CASK: variants seen among roughly 807,000 people sequenced by gnomAD.
The protein encoded by CASK is calcium/calmodulin dependent serine protein kinase.
CASK carries 4 observed loss-of-function variants against 82.9 expected under a neutral mutation model. That is an observed-to-expected ratio of 0.05 (90% confidence interval 0.02 to 0.11). CASK has a LOEUF of 0.11. Among genes scored for constraint, CASK ranks in the 10% least tolerant of loss-of-function variants. CASK has a pLI of 1.00. For synonymous variants in CASK, 259 were observed against 253.5 expected, an observed-to-expected ratio of 1.02 and a Z score of -0.20; for missense variants, 358 against 720.9, an observed-to-expected ratio of 0.50 and a Z score of 5.76.
chrX:41,825,088 T>C (rs1300897371), intron 2 of CASK, among the ~76,000 whole-genome samples: 1 of 111,911 alleles, frequency 8.9e-6, no homozygotes, highest in Non-Finnish European at 1.9e-5. Context: ...TTTTGGGTTT[T>C]TTGTAACATA....
At chrX:41,854,100 T>C (rs2071316432) in intron 1 of CASK, among the ~76,000 whole-genome samples, 1 of 111,595 alleles carries the variant, frequency 9.0e-6, no homozygotes, top group African/African-American at 3.3e-5. Flanking sequence ...AAGGAAGTAA[T>C]TTCTATGAGC....
chrX:41,827,731 A>G (rs1341748094), intron 2 of CASK, among the ~76,000 whole-genome samples: 1 of 112,134 alleles, frequency 8.9e-6, no homozygotes, highest in Non-Finnish European at 1.9e-5. Flanking sequence ...AAAGATGGTA[A>G]CTTCCTTGAA....
intron 3 of CASK, among the ~76,000 whole-genome samples, chrX:41,776,721 T>C (rs2069371905): frequency 8.9e-6 from 1 of 112,131 alleles, no homozygotes; most frequent in Admixed American, 9.5e-5. Context: ...AATACATAAA[T>C]CTAATACAGA....
chrX:41,792,787 C>CT (rs1190056226), intron 2 of CASK, among the ~76,000 whole-genome samples: 1 of 111,300 alleles, frequency 9.0e-6, no homozygotes, highest in Non-Finnish European at 1.9e-5. Context: ...AAATAAGTTA[C>CT]TTTTTTTGTA....
chrX:41,691,635 GA>G (rs2067562740), intron 5 of CASK, among the ~76,000 whole-genome samples: 1 of 108,917 alleles, frequency 9.2e-6, no homozygotes, highest in Admixed American at 9.8e-5. Context: ...GAGGCGGGCG[GA>G]AAATGAGGTC....
intron 5 of CASK, among the ~76,000 whole-genome samples, chrX:41,692,286 C>T (rs1377246493): frequency 1.8e-5 from 2 of 111,851 alleles, no homozygotes; most frequent in Admixed American, 9.5e-5. Context: ...GAAACCCATT[C>T]CAGACCAATT....
rs185303312 is a variant in CASK at position 41,708,328 on chromosome X, A to C, written c.429+31056T>G. Among the ~76,000 whole-genome samples, 1,035 of 111,438 alleles carry C rather than the reference A, an allele frequency of 9.3e-3. 10 individuals carry two copies. Among genetic ancestry groups the C allele is most frequent in the Non-Finnish European group, 0.015 (802 of 53,057 alleles). The stretch of plus-strand genomic sequence containing the variant: ...TCAGTGTTATTTGACTTTTAAAACT[A>C]TGTCCATCAATTTCTATGATTAAAA... On this transcript the variant is annotated intron_variant, in intron 5 of 26. Transcript: ENST00000378163.
chrX:41,773,031 T>C (rs1410621574), intron 3 of CASK, among the ~76,000 whole-genome samples: 2 of 110,784 alleles, frequency 1.8e-5, no homozygotes, highest in Non-Finnish European at 3.8e-5. Context: ...AGAACAATAG[T>C]AACAACAAAA....
At chrX:41,641,656 T>C (rs750691322) in intron 8 of CASK, among the ~76,000 whole-genome samples, 2 of 112,231 alleles carry the variant, frequency 1.8e-5, no homozygotes, top group Non-Finnish European at 3.8e-5. Flanking sequence ...AATAAGTGAA[T>C]AGAACTTTTT....
At chrX:41,717,402 T>C (rs965104696) in intron 5 of CASK, among the ~76,000 whole-genome samples, 20 of 112,327 alleles carry the variant, frequency 1.8e-4, no homozygotes, top group African/African-American at 3.2e-5. Flanking sequence ...ACTAGCATTG[T>C]TGCCTGCAAT....
chrX:41,730,374 C>T (rs986041975), intron 5 of CASK, among the ~76,000 whole-genome samples: 1 of 111,736 alleles, frequency 8.9e-6, no homozygotes, highest in Non-Finnish European at 1.9e-5. Context: ...AAACCACACA[C>T]ACACACACAC....
intron 11 of CASK, among the ~76,000 whole-genome samples, chrX:41,612,284 G>A (rs1208693055): frequency 9.2e-6 from 1 of 109,264 alleles, no homozygotes; most frequent in Non-Finnish European, 1.9e-5. Context: ...CCCATCGTCT[G>A]AGATGTGGGG....
chrX:41,666,341 T>C (rs1000884920), intron 6 of CASK, among the ~76,000 whole-genome samples: 8 of 112,116 alleles, frequency 7.1e-5, no homozygotes, highest in Non-Finnish European at 1.1e-4. Context: ...ATGAAAGGCT[T>C]GTACCCGGCA....
chrX:41,920,208 C>T (rs1056094127), intron 1 of CASK, among the ~76,000 whole-genome samples: 1 of 111,951 alleles, frequency 8.9e-6, no homozygotes, highest in Non-Finnish European at 1.9e-5. Flanking sequence ...AAAAGAAAAT[C>T]AAAATTCCAT....
At chrX:41,746,659 T>C (rs2068692742) in intron 3 of CASK, among the ~76,000 whole-genome samples, 2 of 112,159 alleles carry the variant, frequency 1.8e-5, no homozygotes, top group Admixed American at 1.9e-4. Context: ...ATTCATTCAT[T>C]CATTCATTCA....
intron 1 of CASK, among the ~76,000 whole-genome samples, chrX:41,882,984 C>T (rs186304563): frequency 9.0e-6 from 1 of 111,407 alleles, no homozygotes; most frequent in Admixed American, 9.5e-5. Context: ...TGGAATATAC[C>T]TATATCAAGG....
intron 3 of CASK, among the ~76,000 whole-genome samples, chrX:41,753,465 A>G (rs1199364132): frequency 8.9e-6 from 1 of 112,474 alleles, no homozygotes; most frequent in Non-Finnish European, 1.9e-5. Flanking sequence ...GTGACATCTC[A>G]TCATGAGACA....
chrX:41,525,876 C>T (rs1289101057), intron 25 of CASK, among the ~76,000 whole-genome samples: 3 of 111,638 alleles, frequency 2.7e-5, no homozygotes, highest in African/African-American at 9.8e-5. Context: ...TTTAGTCACA[C>T]AGCATCTTCT....
intron 21 of CASK, among the ~76,000 whole-genome samples, chrX:41,548,538 G>A (rs1222855063): frequency 9.0e-6 from 1 of 111,311 alleles, no homozygotes; most frequent in Non-Finnish European, 1.9e-5. Context: ...ATTTTTGGTT[G>A]GGGGAAAGAC....
Sources: gnomAD v4.1 joint callset for allele counts (sites outside exome capture counted in the v4.1 genomes callset) on GRCh38, gnomAD v4.1.1 for gene constraint, MANE v1.5 for transcripts, NCBI Gene and HGNC (gene_info 2026-07-23, HGNC 2026-07-21) for gene names.